Variants in UNC80 observed in about 807,000 individuals in gnomAD.
UNC80 encodes the protein unc-80 subunit of NALCN channel complex, also known as protein unc-80 homolog.
In UNC80, 164 loss-of-function variants were observed where a neutral mutation model predicts 384.6. That is an observed-to-expected ratio of 0.43 (90% CI 0.38 to 0.49). UNC80 has a LOEUF of 0.49. UNC80 is among the 20% of genes least tolerant of loss of function. UNC80 has a pLI of 0.00. For missense variants in UNC80, 3,330 were observed against 4,143.0 expected, an observed-to-expected ratio of 0.80 and a Z score of 5.39; for synonymous variants, 1,486 against 1,527.8, an observed-to-expected ratio of 0.97 and a Z score of 0.64.
chr2:209,798,189 C>T (rs982878880), intron 7 of UNC80, among the ~76,000 whole-genome samples: 2 of 152,174 alleles, frequency 1.3e-5, no homozygotes, highest in African/African-American at 4.8e-5. Flanking sequence ...TCAATTGTGG[C>T]TTCTGTTGCA....
At chr2:209,841,956 A>C (rs552508582) in intron 20 of UNC80, among the ~76,000 whole-genome samples, 2 of 152,218 alleles carry the variant, frequency 1.3e-5, no homozygotes, top group African/African-American at 2.4e-5. Context: ...ATTCTTTCAC[A>C]GAGATTTAAA....
chr2:209,995,284 T>C (rs1459838020), intron 64 of UNC80, 45 bp from the exon 65 acceptor site: 2 of 1,543,788 alleles, frequency 1.3e-6, no homozygotes, highest in East Asian at 2.4e-5. Context: ...TCTTCTCTGG[T>C]ACCCATCCTA....
At chr2:209,775,605 AT>A (rs1405678970) in intron 2 of UNC80, among the ~76,000 whole-genome samples, 3 of 152,180 alleles carry the variant, frequency 2.0e-5, no homozygotes, top group Admixed American at 6.5e-5. Flanking sequence ...GAGGAAGCTT[AT>A]TTTAACAGAA....
chr2:209,789,593 A>G lies in UNC80; in HGVS notation c.786A>G (p.Ala262=). ...SRTCESPNQD[A]RHLEGLQVVC... ...CCTGTGAATCACCAAATCAAGATGC[A>G]AGACACTTAGAGGTTAGTTTATTAT... The change falls in exon 6 of 65, where the codon GCA becomes GCG. Residue 262 remains alanine, a synonymous_variant. Coordinates refer to ENST00000673920, the MANE Select transcript of UNC80 (RefSeq NM_001371986.1). 3 of 1,612,216 alleles carry G rather than the reference A, an allele frequency of 1.9e-6. No individual in the cohort carries two copies. Among genetic ancestry groups the G allele is most frequent in the African/African-American group, 1.3e-5 (1 of 75,022 alleles).
chr2:209,837,575 A>C (rs1352313454), intron 18 of UNC80, among the ~76,000 whole-genome samples: 1 of 152,070 alleles, frequency 6.6e-6, no homozygotes, highest in East Asian at 1.9e-4. Flanking sequence ...TTACCTTTTC[A>C]CTTTGCAGTA....
At chr2:209,873,463 A>G (rs2084486666) in intron 23 of UNC80, among the ~76,000 whole-genome samples, 1 of 152,198 alleles carries the variant, frequency 6.6e-6, no homozygotes. Context: ...GTTGCCTGAA[A>G]GCCTTTGGAA....
intron 28 of UNC80, among the ~76,000 whole-genome samples, chr2:209,900,867 C>G (rs1317181815): frequency 6.6e-6 from 1 of 152,204 alleles, no homozygotes; most frequent in Non-Finnish European, 1.5e-5. Flanking sequence ...AAGATCAAAC[C>G]AGCCACAATA....
At chr2:209,854,809 A>C (rs1338134739) in intron 22 of UNC80, among the ~76,000 whole-genome samples, 1 of 152,216 alleles carries the variant, frequency 6.6e-6, no homozygotes, top group African/African-American at 2.4e-5. Flanking sequence ...GATGCTGGTG[A>C]GGCTGTGGAG....
intron 45 of UNC80, among the ~76,000 whole-genome samples, chr2:209,944,181 A>G (rs7584375): frequency 0.44 from 66,510 of 152,024 alleles, 15,327 homozygotes; most frequent in African/African-American, 0.59. Context: ...CTCCTAACAC[A>G]TAAATAGACC....
At chr2:209,869,779 A>G (rs1367989811) in intron 22 of UNC80, among the ~76,000 whole-genome samples, 1 of 152,112 alleles carries the variant, frequency 6.6e-6, no homozygotes, top group Admixed American at 6.6e-5. Context: ...GTTAATGAGA[A>G]TTATTTTCAT....
intron 62 of UNC80, among the ~76,000 whole-genome samples, chr2:209,992,634 TG>T (rs1389523411): frequency 6.6e-6 from 1 of 152,200 alleles, no homozygotes; most frequent in African/African-American, 2.4e-5. Context: ...GTAAAGTAAG[TG>T]GGGCTATAAT....
chr2:209,917,425 G>A (rs1301317747), intron 31 of UNC80, among the ~76,000 whole-genome samples: 1 of 152,100 alleles, frequency 6.6e-6, no homozygotes, highest in Non-Finnish European at 1.5e-5. Flanking sequence ...TTTATTTATT[G>A]TCCTCGGGTT....
At chr2:209,833,441 T>A (rs886324040) in intron 16 of UNC80, among the ~76,000 whole-genome samples, 1 of 152,228 alleles carries the variant, frequency 6.6e-6, no homozygotes, top group Non-Finnish European at 1.5e-5. Flanking sequence ...ACCTTCAGTT[T>A]GTAGTCGAGT....
Position 209,976,348 on chromosome 2 carries a change from A to C in UNC80, c.8772+45A>C. ...TCCTGAAAGTGGCAAGCTCAAATGA[A>C]TGTGTGGCTCTCTACTGAGGCAGGA... On this transcript the variant is annotated intron_variant, in intron 57 of 64. Coordinates refer to ENST00000673920, the MANE Select transcript of UNC80 (RefSeq NM_001371986.1). The surrounding 1 kb of genome is among the most constrained non-coding windows in gnomAD (Gnocchi z 4.3). 1 of 1,550,904 alleles carries C rather than the reference A, an allele frequency of 6.4e-7. No individual in the cohort carries two copies. Among genetic ancestry groups the C allele is most frequent in the East Asian group, 2.4e-5 (1 of 40,890 alleles).
intron 31 of UNC80, among the ~76,000 whole-genome samples, chr2:209,915,862 A>G (rs887335846): frequency 2.0e-5 from 3 of 152,216 alleles, no homozygotes; most frequent in African/African-American, 7.2e-5. Flanking sequence ...ATTTTAAAAT[A>G]GCTAGAAGAC....
intron 43 of UNC80, 52 bp from the exon 44 acceptor site, chr2:209,941,169 G>A (rs1559366865): frequency 4.1e-6 from 6 of 1,454,804 alleles, no homozygotes; most frequent in Non-Finnish European, 5.5e-6. Context: ...CTCTCATGCT[G>A]ACAGGATTGG....
intron 64 of UNC80, among the ~76,000 whole-genome samples, 199 bp from the exon 65 acceptor site, chr2:209,995,130 T>G (rs1393260798): frequency 3.3e-5 from 5 of 152,186 alleles, no homozygotes; most frequent in Non-Finnish European, 7.3e-5. Context: ...GACAAAAAAT[T>G]GTGTTCATGT....
chr2:209,789,703 C>A, intron 6 of UNC80, 98 bp downstream of exon 6: 2 of 773,176 alleles, frequency 2.6e-6, no homozygotes, highest in South Asian at 3.6e-5. Flanking sequence ...CACTACCAGG[C>A]TCAAAGCCAC....
chr2:209,890,549 A>T (rs758038054), intron 26 of UNC80, among the ~76,000 whole-genome samples: 4 of 152,228 alleles, frequency 2.6e-5, no homozygotes, highest in Non-Finnish European at 4.4e-5. Flanking sequence ...ATAAGATGTC[A>T]TCTCTTGCAT....
Sources: gnomAD v4.1 joint callset for allele counts (sites outside exome capture counted in the v4.1 genomes callset) on GRCh38, gnomAD v4.1.1 for gene constraint, Gnocchi (gnomAD v3.1) non-coding constraint, MANE v1.5 for transcripts, NCBI Gene and HGNC (gene_info 2026-07-23, HGNC 2026-07-21) for gene names.